GMDS: variants seen among roughly 807,000 people sequenced by gnomAD.
The protein encoded by GMDS is GDP-mannose 4,6-dehydratase.
A neutral mutation model predicts 49.9 loss-of-function variants in GMDS; 20 were observed. The observed-to-expected ratio is 0.40, with a 90% CI of 0.28 to 0.58. The LOEUF is 0.58. Ranked by LOEUF, GMDS falls within the 20% of genes least tolerant of loss-of-function variation. GMDS has a pLI of 0.42. For synonymous variants in GMDS, 177 were observed against 178.6 expected (o/e 0.99, Z 0.07); for missense variants, 362 against 481.4 (o/e 0.75, Z 2.32).
intron 7 of GMDS, among the ~76,000 whole-genome samples, chr6:1,746,740 C>T (rs746346090): frequency 1.3e-5 from 2 of 152,012 alleles, no homozygotes; most frequent in Admixed American, 6.6e-5. Flanking sequence ...CTTGCTCTGT[C>T]GCCCAGGCTG....
chr6:1,796,846 C>T (rs1028547057), intron 7 of GMDS, among the ~76,000 whole-genome samples: 15 of 152,192 alleles, frequency 9.9e-5, no homozygotes, highest in Admixed American at 7.2e-4. Context: ...ATGTTTGATA[C>T]GCTCATCAGA....
At chr6:2,173,240 C>T (rs1778107397) in intron 1 of GMDS, among the ~76,000 whole-genome samples, 1 of 152,204 alleles carries the variant, frequency 6.6e-6, no homozygotes, top group East Asian at 1.9e-4. Context: ...ATAGAAAAAT[C>T]TTCCTGCCTA....
intron 4 of GMDS, among the ~76,000 whole-genome samples, chr6:2,035,718 G>A (rs981238235): frequency 3.3e-5 from 5 of 151,562 alleles, no homozygotes; most frequent in African/African-American, 1.2e-4. Flanking sequence ...ATGGAGTCTC[G>A]CTCTGTCACC....
chr6:2,172,241 G>A (rs1422079896), intron 1 of GMDS, among the ~76,000 whole-genome samples: 1 of 152,098 alleles, frequency 6.6e-6, no homozygotes, highest in Non-Finnish European at 1.5e-5. Context: ...AAAACAACCA[G>A]ATATGTTGTA....
Position 1,909,283 on chromosome 6 carries a change from G to C in GMDS, c.771+20820C>G, listed in dbSNP as rs144130456. On this transcript the variant is annotated intron_variant, in intron 7 of 10. Coordinates refer to ENST00000380815, the MANE Select transcript of GMDS (RefSeq NM_001500.4). ...TTCTTAGTCTGAAGCCGAGGCACTT[G>C]AGTAAAGTTTTTTCAAAATTCCCAC... is the stretch of plus-strand genomic sequence containing the variant. Among the ~76,000 whole-genome samples, 1,308 of 152,282 alleles carry C rather than the reference G, an allele frequency of 8.6e-3. 6 individuals carry two copies. The highest frequency in any genetic ancestry group is 0.031 in the South Asian group (151 of 4,824).
At chr6:2,225,262 CA>C (rs1413382022) in intron 1 of GMDS, among the ~76,000 whole-genome samples, 1 of 152,040 alleles carries the variant, frequency 6.6e-6, no homozygotes, top group East Asian at 1.9e-4. Context: ...CTGGGGAGGT[CA>C]AGGCTTCAGT....
chr6:2,162,736 T>G (rs1777468231), intron 1 of GMDS, among the ~76,000 whole-genome samples: 1 of 143,782 alleles, frequency 7.0e-6, no homozygotes, highest in South Asian at 2.3e-4. Flanking sequence ...TTCCCTACAT[T>G]ACCAGATTTG....
At chr6:2,125,519 G>A (rs957922778) in intron 1 of GMDS, among the ~76,000 whole-genome samples, 4 of 152,128 alleles carry the variant, frequency 2.6e-5, no homozygotes, top group Non-Finnish European at 5.9e-5. Context: ...ACTTGAACCT[G>A]GGAGTTCGAG....
At chr6:1,896,306 T>C (rs115023508) in intron 7 of GMDS, among the ~76,000 whole-genome samples, 55 of 152,308 alleles carry the variant, frequency 3.6e-4, no homozygotes, top group African/African-American at 1.2e-3. Context: ...TTGCTGCCTT[T>C]AGAGAAGCAC....
chr6:2,038,022 T>G (rs1204222655), intron 4 of GMDS, among the ~76,000 whole-genome samples: 1 of 152,200 alleles, frequency 6.6e-6, no homozygotes, highest in Non-Finnish European at 1.5e-5. Context: ...ACACCATACT[T>G]TTAAAGTTAA....
At chr6:2,051,126 G>C (rs1363202728) in intron 4 of GMDS, among the ~76,000 whole-genome samples, 2 of 152,066 alleles carry the variant, frequency 1.3e-5, no homozygotes, top group Non-Finnish European at 2.9e-5. Context: ...AACAAAAAAG[G>C]TTAGAGTGAT....
intron 7 of GMDS, among the ~76,000 whole-genome samples, chr6:1,746,623 T>G (rs1288645535): frequency 6.6e-6 from 1 of 152,220 alleles, no homozygotes; most frequent in African/African-American, 2.4e-5. Context: ...CGTACTCTTC[T>G]GTAAGTATAT....
chr6:1,714,166 C>T (rs1561751299), intron 9 of GMDS, among the ~76,000 whole-genome samples: 1 of 152,084 alleles, frequency 6.6e-6, no homozygotes, highest in Non-Finnish European at 1.5e-5. Context: ...TACAGGCGCC[C>T]ACCACCACGC....
Position 1,762,589 on chromosome 6 carries a change from T to C in GMDS, c.772-20003A>G, listed in dbSNP as rs183683194. Among the ~76,000 whole-genome samples, 25 of 152,352 alleles carry C rather than the reference T, an allele frequency of 1.6e-4. No homozygotes were observed. In the East Asian group the frequency reaches 4.4e-3, roughly 27 times the overall value. ...ATGAAACTCTTGGCCCAGGGAAGAT[T>C]TGTGCTTCTTTCTTTCAGCCTCCAA... On this transcript the variant is annotated intron_variant, in intron 7 of 10. Transcript: ENST00000380815.
intron 7 of GMDS, among the ~76,000 whole-genome samples, chr6:1,859,364 T>C (rs1422264771): frequency 2.0e-5 from 3 of 152,028 alleles, no homozygotes; most frequent in African/African-American, 7.3e-5. Context: ...TTCCACCAGG[T>C]AGAAAGTCAA....
intron 1 of GMDS, among the ~76,000 whole-genome samples, chr6:2,144,559 A>T (rs921081571): frequency 1.3e-5 from 2 of 152,140 alleles, no homozygotes; most frequent in African/African-American, 4.8e-5. Flanking sequence ...AAGCAAGGGA[A>T]TACTGCTTCC....
chr6:1,751,174 C>T (rs541080293), intron 7 of GMDS, among the ~76,000 whole-genome samples: 17 of 152,302 alleles, frequency 1.1e-4, no homozygotes, highest in African/African-American at 3.6e-4. Flanking sequence ...TCCTGCCTGC[C>T]GGCTCTGAAG....
At chr6:1,727,172 C>T (rs1003943827) in intron 8 of GMDS, among the ~76,000 whole-genome samples, 3 of 152,128 alleles carry the variant, frequency 2.0e-5, no homozygotes, top group African/African-American at 7.2e-5. Flanking sequence ...CTCCTCTGAC[C>T]TAGCTAGGAT....
rs1581241723 is a variant in GMDS, at chr6:1,838,133, GAA to G, written c.771+91968_771+91969del. Among the ~76,000 whole-genome samples, 5 of 152,244 alleles carry G rather than the reference GAA, an allele frequency of 3.3e-5. No individual in the cohort carries two copies. In the East Asian group the frequency reaches 9.7e-4, roughly 29 times the overall value. The stretch of plus-strand genomic sequence containing the variant: ...CCAGATACAGGAAATGCTAATAAAA[GAA>G]AAAGGGAGGAGGCTTTGCTCTCCTT... On this transcript the variant is annotated intron_variant, in intron 7 of 10. Coordinates refer to ENST00000380815, the MANE Select transcript of GMDS (RefSeq NM_001500.4).
Sources: allele counts gnomAD v4.1 joint callset (sites outside exome capture counted in the v4.1 genomes callset), GRCh38; gene constraint gnomAD v4.1.1; transcripts MANE v1.5; gene names NCBI Gene and HGNC (gene_info 2026-07-23, HGNC 2026-07-21).